GAK: variants seen among roughly 807,000 people sequenced by gnomAD.
GAK encodes the protein cyclin-G-associated kinase.
Under a neutral mutation model 143.9 loss-of-function variants are expected in GAK, and 79 were observed. That is an observed-to-expected ratio of 0.55 (90% CI 0.46 to 0.66). GAK has a LOEUF of 0.66. GAK is among the 30% of genes least tolerant of loss of function. The pLI is 0.00. For missense variants in GAK, 1,693 were observed against 1,779.7 expected, an observed-to-expected ratio of 0.95 and a Z score of 0.88; for synonymous variants, 881 against 765.5, an observed-to-expected ratio of 1.15 and a Z score of -2.49.
intron 11 of GAK, chr4:887,579 C>A (rs539899016): frequency 6.6e-6 from 1 of 152,070 alleles, no homozygotes; most frequent in Non-Finnish European, 1.5e-5. Context: ...CACTCCTACT[C>A]ATGCGTACAC....
intron 3 of GAK, chr4:912,526 C>T (rs1268560681): frequency 7.7e-6 from 4 of 520,140 alleles, no homozygotes; most frequent in Non-Finnish European, 1.4e-5. Context: ...GAATCTTCTA[C>T]TATTACCCTG....
intron 9 of GAK, among the ~76,000 whole-genome samples, chr4:892,214 G>A (rs2152854090): frequency 6.6e-6 from 1 of 152,296 alleles, no homozygotes; most frequent in African/African-American, 2.4e-5. Flanking sequence ...CACTGCAGTG[G>A]CCCCTGGAAG....
At chr4:897,037 G>A (rs1457886100) in intron 6 of GAK, among the ~76,000 whole-genome samples, 2 of 152,244 alleles carry the variant, frequency 1.3e-5, no homozygotes, top group African/African-American at 2.4e-5. Flanking sequence ...AACACACGGA[G>A]GCACTTGCGA....
rs146290503 is a variant in GAK at position 849,976 on chromosome 4, C to T, written c.3750G>A (p.Thr1250=). Residue 1250 remains threonine (T), a synonymous_variant, in exon 27 of 28, where the codon ACG becomes ACA. Coordinates refer to ENST00000314167, the MANE Select transcript of GAK (RefSeq NM_005255.4). The part of the protein sequence containing the change: ...TVLWDGESRW[T]PVGMADLVAP... ...CCACCAGGTCGGCCATGCCCACGGG[C>T]GTCCAGCGGCTCTCCCCGTCCCACA... 1.2e-5 allele frequency: 20 copies of T among 1,611,702 alleles called. No individual in the cohort carries two copies. In the African/African-American group the frequency reaches 1.5e-4, roughly 12 times the overall value.
rs761730322 is a variant in GAK, at chr4:877,787, T to C, written c.1684A>G (p.Met562Val). 1.2e-6 allele frequency: 2 copies of C among 1,607,710 alleles called. No individual in the cohort carries two copies. Among genetic ancestry groups the C allele is most frequent in the Non-Finnish European group, 1.7e-6 (2 of 1,177,152 alleles). ...GGTGTGATGGGCTCCTCCGCCACCATGTCACACATGTACTCGATGTACCTG... is the reference window on the plus strand; with the variant it reads ...GGTGTGATGGGCTCCTCCGCCACCACGTCACACATGTACTCGATGTACCTG... ...HKRYIEYMCD[M>V]VAEEPITPHS... The change falls in exon 16 of 28, where the codon ATG (methionine) becomes GTG (valine). Residue 562 changes from methionine (M) to valine (V), a missense_variant. Met to Val is a conservative substitution (Grantham distance 21, BLOSUM62 1). Coordinates refer to ENST00000314167, the MANE Select transcript of GAK (RefSeq NM_005255.4).
At chr4:864,808 A>G (rs757479009) in intron 23 of GAK, among the ~76,000 whole-genome samples, 2 of 152,222 alleles carry the variant, frequency 1.3e-5, no homozygotes, top group African/African-American at 2.4e-5. Flanking sequence ...AGTGTGGGGC[A>G]TGAAATCGCA....
At chr4:870,183 C>A (rs1415717832) in intron 19 of GAK, among the ~76,000 whole-genome samples, 1 of 152,202 alleles carries the variant, frequency 6.6e-6, no homozygotes, top group East Asian at 1.9e-4. Flanking sequence ...GCTGAAGATG[C>A]TCAGAAAGAA....
At chr4:885,596 G>A (rs375141916) in intron 11 of GAK, among the ~76,000 whole-genome samples, 55 of 152,288 alleles carry the variant, frequency 3.6e-4, no homozygotes, top group Middle Eastern at 3.4e-3. Flanking sequence ...GGGCTGCACC[G>A]GATGCTGACG....
At chr4:890,502 C>G in intron 10 of GAK, 30 bp downstream of exon 10, 2 of 1,541,436 alleles carry the variant, frequency 1.3e-6, no homozygotes, top group Non-Finnish European at 1.8e-6. Flanking sequence ...GAGCGAGGGA[C>G]AGGTGGCGGG....
At chr4:918,201 T>C (rs1465304026) in intron 1 of GAK, among the ~76,000 whole-genome samples, 2 of 152,214 alleles carry the variant, frequency 1.3e-5, no homozygotes, top group African/African-American at 4.8e-5. Flanking sequence ...TCAATCACTG[T>C]AGTAAACAAC....
chr4:888,533 T>G, intron 11 of GAK: 1 of 325,400 alleles, frequency 3.1e-6, no homozygotes, highest in South Asian at 4.4e-5. Context: ...TCACCCAATT[T>G]ACAGAGTCCC....
chr4:872,924 C>A (rs774748183), intron 18 of GAK, among the ~76,000 whole-genome samples: 5 of 151,950 alleles, frequency 3.3e-5, no homozygotes, highest in Non-Finnish European at 5.9e-5. Flanking sequence ...GCTCCTCTCG[C>A]CCAGGCACGG....
intron 25 of GAK, chr4:851,507 G>A: frequency 1.7e-6 from 1 of 586,656 alleles, no homozygotes; most frequent in South Asian, 2.1e-5. Context: ...GACAAGACAG[G>A]GTTGCAAAGG....
chr4:849,834 A>ACCCCCCCCCCCC (rs33919242), intron 27 of GAK, 58 bp downstream of exon 27: 249 of 948,306 alleles, frequency 2.6e-4, no homozygotes, highest in African/African-American at 7.6e-4. Context: ...GCGGGGCAGG[A>ACCCCCCCCCCCC]CCCCCCCCCC....
At chr4:901,568 TCCCACCTCA>T (rs1368235904) in intron 5 of GAK, among the ~76,000 whole-genome samples, 2 of 152,080 alleles carry the variant, frequency 1.3e-5, no homozygotes, top group African/African-American at 4.8e-5. Flanking sequence ...AGGATACAGC[TCCCACCTCA>T]GGTCACACAA....
rs752130078 is a variant in GAK, at chr4:876,323, C to T, written c.2054+207G>A. 4.0e-5 allele frequency among the ~76,000 whole-genome samples: 6 copies of T among 151,856 alleles called. No homozygotes were observed. In the East Asian group the frequency reaches 5.9e-4, roughly 15 times the overall value. On this transcript the variant is annotated intron_variant, in intron 18 of 27. Coordinates refer to ENST00000314167, the MANE Select transcript of GAK (RefSeq NM_005255.4). ...AAATTCTAACAGACACACACACCAA[C>T]GGGGGGGCAGAGCAGCAGCCACCGG...
chr4:923,361 A>G (rs536250243), intron 1 of GAK, among the ~76,000 whole-genome samples: 1 of 152,176 alleles, frequency 6.6e-6, no homozygotes, highest in East Asian at 1.9e-4. Flanking sequence ...TACAGCACAC[A>G]CTCTGCCAAT....
At chr4:887,249 T>G (rs1355167855) in intron 11 of GAK, 1 of 135,210 alleles carries the variant, frequency 7.4e-6, no homozygotes, top group South Asian at 2.4e-4. Context: ...CGTGTACACA[T>G]GCACGCGGCT....
rs201149751 is a variant in GAK at position 920,538 on chromosome 4, C to CA, written c.146-6871dup. ...CAAAATTGTGAAAAAGGTTTAGAGC[C>CA]ATTTTTTTTTTTTTTTTTTTTTTGA... On this transcript the variant is annotated intron_variant, in intron 1 of 27. Coordinates refer to ENST00000314167, the MANE Select transcript of GAK (RefSeq NM_005255.4). Among the ~76,000 whole-genome samples the CA allele has an allele frequency of 5.5e-3, 403 of 73,812 alleles. 9 individuals are homozygous for CA. The highest frequency in any genetic ancestry group is 0.017 in the African/African-American group (375 of 22,156). 48.4% of individuals were successfully genotyped at this position (73,812 alleles called of 152,430 possible). A position where few individuals can be genotyped will look rare whatever the true frequency, so the allele number is the denominator to read the frequency against.
Sources: gnomAD v4.1 joint callset for allele counts (sites outside exome capture counted in the v4.1 genomes callset) on GRCh38, gnomAD v4.1.1 for gene constraint, MANE v1.5 for transcripts, NCBI Gene and HGNC (gene_info 2026-07-23, HGNC 2026-07-21) for gene names.